NOS1AP: variants seen among roughly 807,000 people sequenced by gnomAD.
NOS1AP encodes nitric oxide synthase 1 adaptor protein, also known as carboxyl-terminal PDZ ligand of neuronal nitric oxide synthase protein.
NOS1AP carries 21 observed loss-of-function variants against 56.2 expected under a neutral mutation model. The ratio of observed to expected loss-of-function variants is 0.37; its 90% CI spans 0.26 to 0.54. NOS1AP has a LOEUF of 0.54. Among genes scored for constraint, NOS1AP ranks in the 20% least tolerant of loss-of-function variants. NOS1AP has a pLI of 0.84. For synonymous variants in NOS1AP, 270 were observed against 274.6 expected (o/e 0.98, Z 0.17); for missense variants, 522 against 657.8 (o/e 0.79, Z 2.26).
Position 162,164,219 on chromosome 1 carries a change from G to A in NOS1AP, c.177+9743G>A, listed in dbSNP as rs567415599. On this transcript the variant is annotated intron_variant, in intron 2 of 9. Transcript: ENST00000361897. Reference sequence around the variant, plus strand: ...CCAACAGTGTTTATCCATTGTAACAGGATGATATGCAGAATGTCAGTTCCT... The same window carrying A: ...CCAACAGTGTTTATCCATTGTAACAAGATGATATGCAGAATGTCAGTTCCT... Among the ~76,000 whole-genome samples, 11 of 152,276 alleles carry A rather than the reference G, an allele frequency of 7.2e-5. No homozygotes were observed. The South Asian group carries it at 2.1e-3, about 29-fold the overall frequency.
At chr1:162,327,399 A>G (rs1201144119) in intron 4 of NOS1AP, among the ~76,000 whole-genome samples, 3 of 152,218 alleles carry the variant, frequency 2.0e-5, no homozygotes, top group African/African-American at 7.2e-5. Context: ...TGAGGGATGG[A>G]GAAGAAACAA....
Position 162,075,427 on chromosome 1 carries a change from A to G in NOS1AP, c.105+5145A>G, listed in dbSNP as rs577979797. Among the ~76,000 whole-genome samples, 123 of 152,348 alleles carry G rather than the reference A, an allele frequency of 8.1e-4. 1 individual carries two copies. The highest frequency in any genetic ancestry group is 1.8e-3 in the Admixed American group (28 of 15,308). ...CCCTGATGTGGATTTTAGAGATTCCAGTAACCTCAGCAGGATATCTGTGGA... is the reference window on the plus strand; with the variant it reads ...CCCTGATGTGGATTTTAGAGATTCCGGTAACCTCAGCAGGATATCTGTGGA... On this transcript the variant is annotated intron_variant, in intron 1 of 9. Coordinates refer to ENST00000361897, the MANE Select transcript of NOS1AP (RefSeq NM_014697.3).
chr1:162,252,990 A>G (rs1230801804), intron 2 of NOS1AP, among the ~76,000 whole-genome samples: 1 of 152,124 alleles, frequency 6.6e-6, no homozygotes, highest in Non-Finnish European at 1.5e-5. Flanking sequence ...CTGGTGCCTA[A>G]TTGGTCTCTG....
At chr1:162,126,618 T>C (rs1286730006) in intron 1 of NOS1AP, among the ~76,000 whole-genome samples, 2 of 152,132 alleles carry the variant, frequency 1.3e-5, no homozygotes, top group Non-Finnish European at 2.9e-5. Context: ...GCTTTCTGAC[T>C]CTGTTTTAAA....
chr1:162,116,122 G>A (rs1647938592), intron 1 of NOS1AP, among the ~76,000 whole-genome samples: 1 of 152,162 alleles, frequency 6.6e-6, no homozygotes, highest in Non-Finnish European at 1.5e-5. Flanking sequence ...TAGCCTTTGT[G>A]AGGCTGAGCC....
In NOS1AP at chr1:162,345,189, G is replaced by A. The variant is rs954482280; in HGVS notation, c.595+1213G>A. On this transcript the variant is annotated intron_variant, in intron 6 of 9. Transcript: ENST00000361897. ...TTATTATTATACTTTAAGTTTTAGG[G>A]TACATGTGCACATTGTGCAGGTTAG... Among the ~76,000 whole-genome samples, 42 of 151,146 alleles carry A rather than the reference G, an allele frequency of 2.8e-4. 1 individual carries two copies. The highest frequency in any genetic ancestry group is 4.1e-4 in the Non-Finnish European group (28 of 67,876).
intron 8 of NOS1AP, among the ~76,000 whole-genome samples, chr1:162,362,578 T>C (rs80159981): frequency 0.099 from 15,100 of 152,322 alleles, 983 homozygotes; most frequent in Non-Finnish European, 0.15. Flanking sequence ...TCTTTGTTTA[T>C]ATCTGCTGAA....
At chr1:162,255,013 T>C (rs1653980749) in intron 2 of NOS1AP, among the ~76,000 whole-genome samples, 1 of 152,198 alleles carries the variant, frequency 6.6e-6, no homozygotes, top group Admixed American at 6.5e-5. Flanking sequence ...CGTTCTATGA[T>C]GTTACCAAAT....
intron 2 of NOS1AP, among the ~76,000 whole-genome samples, chr1:162,220,498 T>C (rs1159470694): frequency 6.6e-6 from 1 of 152,190 alleles, no homozygotes; most frequent in Non-Finnish European, 1.5e-5. Flanking sequence ...TTGCTAAAAA[T>C]GAATTTTCTC....
chr1:162,104,163 TG>T (rs1371741064), intron 1 of NOS1AP, among the ~76,000 whole-genome samples: 1 of 152,236 alleles, frequency 6.6e-6, no homozygotes, highest in African/African-American at 2.4e-5. Flanking sequence ...CCTTTGCGTA[TG>T]AAGCTTAGTT....
chr1:162,167,811 G>A (rs1332674174), intron 2 of NOS1AP, among the ~76,000 whole-genome samples: 1 of 152,160 alleles, frequency 6.6e-6, no homozygotes, highest in Non-Finnish European at 1.5e-5. Context: ...AGCTGGGAAG[G>A]GAGACAGTTT....
At chr1:162,332,993 A>G in intron 4 of NOS1AP, 24 bp from the exon 5 acceptor site, 4 of 1,558,242 alleles carry the variant, frequency 2.6e-6, no homozygotes, top group Middle Eastern at 1.7e-4. Flanking sequence ...TTTTCAGTGC[A>G]TTTTTCTGTT....
chr1:162,124,814 C>T (rs976923475), intron 1 of NOS1AP, among the ~76,000 whole-genome samples: 10 of 152,048 alleles, frequency 6.6e-5, no homozygotes, highest in Admixed American at 2.0e-4. Context: ...TGAGCCACCA[C>T]GCATGGCCAC....
In NOS1AP at chr1:162,344,048, C is replaced by T. The variant is rs569114549; in HGVS notation, c.595+72C>T. ...CAGTAGGCTCTGGTGGATCACTGCCCTGACCCCCAGGCTGTGAACTCATTT... is the reference window on the plus strand; with the variant it reads ...CAGTAGGCTCTGGTGGATCACTGCCTTGACCCCCAGGCTGTGAACTCATTT... On this transcript the variant is annotated intron_variant, in intron 6 of 9. Transcript: ENST00000361897. 3 of 1,522,912 alleles carry T rather than the reference C, an allele frequency of 2.0e-6. No individual in the cohort carries two copies. In the African/African-American group the frequency reaches 4.1e-5, roughly 21 times the overall value. The allele number at this position is 1,522,912 out of a possible 1,614,324, so 94.3% of individuals were successfully genotyped here. A position where few individuals can be genotyped will look rare whatever the true frequency, so the allele number is the denominator to read the frequency against.
At chr1:162,230,208 C>T (rs555994139) in intron 2 of NOS1AP, among the ~76,000 whole-genome samples, 10 of 152,256 alleles carry the variant, frequency 6.6e-5, no homozygotes, top group African/African-American at 2.2e-4. Context: ...AAGCAGGAAG[C>T]TGTCCACTGG....
intron 1 of NOS1AP, among the ~76,000 whole-genome samples, chr1:162,079,723 A>G (rs935600953): frequency 7.2e-5 from 11 of 152,228 alleles, no homozygotes; most frequent in Non-Finnish European, 1.5e-4. Context: ...ATTAAGTCCT[A>G]CAAGTTGCAA....
At chr1:162,354,229 A>G (rs1044843300) in intron 6 of NOS1AP, among the ~76,000 whole-genome samples, 1 of 152,226 alleles carries the variant, frequency 6.6e-6, no homozygotes, top group African/African-American at 2.4e-5. Context: ...CACCTGTTCC[A>G]TTTTATAATT....
At chr1:162,189,717 G>C (rs1413184711) in intron 2 of NOS1AP, among the ~76,000 whole-genome samples, 11 of 152,192 alleles carry the variant, frequency 7.2e-5, no homozygotes, top group Admixed American at 4.6e-4. Flanking sequence ...AGAAAATAAA[G>C]AGAAAATTAT....
chr1:162,261,512 GAGAGAGAGAGAGAGAGAGAGAGAGAGA>G (rs1654227366), intron 2 of NOS1AP, among the ~76,000 whole-genome samples: 1 of 19,934 alleles, frequency 5.0e-5, no homozygotes, highest in Non-Finnish European at 1.6e-4. Flanking sequence ...GAGAGAGAGA[GAGAGAGAGAGAGAGAGAGAGAGAGAGA>G]GAGAGAGCAA....
Sources: allele counts gnomAD v4.1 joint callset (sites outside exome capture counted in the v4.1 genomes callset), GRCh38; gene constraint gnomAD v4.1.1; transcripts MANE v1.5; gene names NCBI Gene and HGNC (gene_info 2026-07-23, HGNC 2026-07-21).